The following SH3BP4 variants were observed in gnomAD, a reference collection of about 807,000 sequenced individuals.
The protein encoded by SH3BP4 is SH3 domain-binding protein 4.
A neutral mutation model predicts 65.5 loss-of-function variants in SH3BP4; 33 were observed. The ratio of observed to expected loss-of-function variants is 0.50; its 90% confidence interval spans 0.38 to 0.67. SH3BP4 has a LOEUF of 0.67. Ranked by LOEUF, SH3BP4 falls within the 30% of genes least tolerant of loss-of-function variation. SH3BP4 has a pLI of 0.00. For synonymous variants in SH3BP4, 552 were observed against 545.5 expected, an observed-to-expected ratio of 1.01 and a Z score of -0.17; for missense variants, 1,134 against 1,261.4, an observed-to-expected ratio of 0.90 and a Z score of 1.53.
intron 2 of SH3BP4, among the ~76,000 whole-genome samples, chr2:234,998,170 C>T (rs550118434): frequency 6.4e-4 from 97 of 152,178 alleles, no homozygotes; most frequent in African/African-American, 2.2e-3. Flanking sequence ...GCCTGCAGAC[C>T]GGCTGCATTT....
intron 3 of SH3BP4, among the ~76,000 whole-genome samples, chr2:235,039,398 G>A (rs2106331219): frequency 6.6e-6 from 1 of 152,020 alleles, no homozygotes; most frequent in East Asian, 1.9e-4. Context: ...TACGATGACT[G>A]TGGACTTCAT....
chr2:235,053,316 A>G lies in SH3BP4; in HGVS notation c.2668-276A>G, dbSNP rs200508720. ...TTCCAAACAAATGGCACAGAGAGAAAGTGCCATAAAGATTGTAAGGAAAGA... is the reference window on the plus strand; with the variant it reads ...TTCCAAACAAATGGCACAGAGAGAAGGTGCCATAAAGATTGTAAGGAAAGA... On this transcript the variant is annotated intron_variant, in intron 5 of 5. Transcript: ENST00000392011. Among the ~76,000 whole-genome samples, 6 of 152,226 alleles carry G rather than the reference A, an allele frequency of 3.9e-5. No homozygotes were observed. In the East Asian group the frequency reaches 1.2e-3, roughly 29 times the overall value.
chr2:235,009,694 C>T (rs181378509), intron 2 of SH3BP4, among the ~76,000 whole-genome samples: 15 of 152,080 alleles, frequency 9.9e-5, no homozygotes, highest in African/African-American at 3.6e-4. Flanking sequence ...ATGGATCTCT[C>T]CCCAAATGTC....
chr2:235,042,971 G>A lies in SH3BP4; in HGVS notation c.2202G>A (p.Glu734=). ...GGCCCAGCCTGTGCTCGGGCCCCGA[G>A]CTGAGCACCTCGGTGCTGCTGGAGC... ...RARPSLCSGP[E]LSTSVLLEQI... is the part of the protein sequence containing the mutation. The change falls in exon 4 of 6, where the codon GAG becomes GAA. Residue 734 remains glutamate, a synonymous_variant. Transcript: ENST00000392011. This position sits in a 1 kb window ranked among gnomAD's most constrained non-coding sequence, Gnocchi z 7.3. 1 of 1,612,890 alleles carries A rather than the reference G, an allele frequency of 6.2e-7. No homozygotes were observed. The highest frequency in any genetic ancestry group is 8.5e-7 in the Non-Finnish European group (1 of 1,179,524).
At chr2:234,964,099 A>G (rs1223976338) in intron 1 of SH3BP4, among the ~76,000 whole-genome samples, 1 of 152,208 alleles carries the variant, frequency 6.6e-6, no homozygotes, top group Non-Finnish European at 1.5e-5. Flanking sequence ...TTTGTGAGTC[A>G]TCCACCTATA....
At chr2:235,003,649 T>C (rs1459512241) in intron 2 of SH3BP4, among the ~76,000 whole-genome samples, 1 of 152,152 alleles carries the variant, frequency 6.6e-6, no homozygotes, top group Non-Finnish European at 1.5e-5. Flanking sequence ...AGTTTGCTCA[T>C]CTGTAAAACG....
At chr2:234,971,500 T>C (rs1471836659) in intron 1 of SH3BP4, among the ~76,000 whole-genome samples, 1 of 152,244 alleles carries the variant, frequency 6.6e-6, no homozygotes, top group Non-Finnish European at 1.5e-5. Flanking sequence ...CTTTTGGGTA[T>C]ATTCCCAGAG....
At chr2:234,995,503 A>G (rs1418188282) in intron 2 of SH3BP4, 127 bp downstream of exon 2, 1 of 152,236 alleles carries the variant, frequency 6.6e-6, no homozygotes, top group East Asian at 1.9e-4. Context: ...CAGGAGGGAG[A>G]ATGCTTCTGG....
rs138260268 is a variant in SH3BP4, at chr2:235,035,101, G to A, written c.99G>A (p.Thr33=). The A allele has an allele frequency of 4.7e-4, 757 of 1,613,296 alleles. No individual in the cohort carries two copies. Among genetic ancestry groups the A allele is most frequent in the Non-Finnish European group, 6.0e-4 (703 of 1,179,228 alleles). The change falls in exon 3 of 6, where the codon ACG becomes ACA. Residue 33 remains threonine (T), a synonymous_variant. Coordinates refer to ENST00000392011, the MANE Select transcript of SH3BP4 (RefSeq NM_014521.3). The surrounding 1 kb of genome is among the most constrained non-coding windows in gnomAD (Gnocchi z 5.0). ...ACCTGAGCGAAGGGTTTTCAGAGACGAGCTTTAATGACATCAAAGGTGAGC... is the reference window on the plus strand; with the variant it reads ...ACCTGAGCGAAGGGTTTTCAGAGACAAGCTTTAATGACATCAAAGGTGAGC... ...LIDLSEGFSE[T]SFNDIKVPSP... is the part of the protein sequence containing the mutation.
chr2:235,015,294 G>A (rs1202798969), intron 2 of SH3BP4, among the ~76,000 whole-genome samples: 1 of 152,234 alleles, frequency 6.6e-6, no homozygotes, highest in Non-Finnish European at 1.5e-5. Context: ...CAGACTTTGA[G>A]CTATTATTGA....
Position 235,046,435 on chromosome 2 carries a change from G to A in SH3BP4, c.2478+3188G>A, listed in dbSNP as rs1695862172. 6.6e-6 allele frequency among the ~76,000 whole-genome samples: 1 copy of A among 151,910 alleles called. No individual in the cohort carries two copies. The highest frequency in any genetic ancestry group is 1.5e-5 in the Non-Finnish European group (1 of 68,010). Reference sequence around the variant, plus strand: ...TTTTTTTTTTAAATCAGCCAGGTGTGTTGGTGTGCACCTGTAGTCCCAGCT... The same window carrying A: ...TTTTTTTTTTAAATCAGCCAGGTGTATTGGTGTGCACCTGTAGTCCCAGCT... On this transcript the variant is annotated intron_variant, in intron 4 of 5. Transcript: ENST00000392011. The surrounding 1 kb of genome is among the most constrained non-coding windows in gnomAD (Gnocchi z 4.2).
At position 235,011,796 on chromosome 2, in the gene SH3BP4, G is replaced by A. The variant is rs567876724; in HGVS notation, c.-133+16420G>A. ...GGAAATGAGAAGGATATGAGCATAA[G>A]AAGTCTTGCTTTTGGGAAGCAGCCC... On this transcript the variant is annotated intron_variant, in intron 2 of 5. Transcript: ENST00000392011. Among the ~76,000 whole-genome samples, 5 of 152,358 alleles carry A rather than the reference G, an allele frequency of 3.3e-5. No individual in the cohort carries two copies. The South Asian group carries it at 1.0e-3, about 32-fold the overall frequency.
intron 1 of SH3BP4, among the ~76,000 whole-genome samples, chr2:234,969,648 A>G (rs1692929097): frequency 6.6e-6 from 1 of 152,184 alleles, no homozygotes; most frequent in Non-Finnish European, 1.5e-5. Flanking sequence ...TCCACACAGC[A>G]CACGGAGCCT....
In SH3BP4 at chr2:235,046,231, G is replaced by A. The variant is rs914671414; in HGVS notation, c.2478+2984G>A. On this transcript the variant is annotated intron_variant, in intron 4 of 5. Transcript: ENST00000392011. This position sits in a 1 kb window ranked among gnomAD's most constrained non-coding sequence, Gnocchi z 4.2. ...AGGACGTCCTTCTCTGCAGCCCCGC[G>A]CACTCCATCATCCTCTGTCTCCATG... Among the ~76,000 whole-genome samples, 15 of 152,212 alleles carry A rather than the reference G, an allele frequency of 9.9e-5. No homozygotes were observed. The highest frequency in any genetic ancestry group is 8.3e-4 in the South Asian group (4 of 4,822).
At chr2:235,029,303 G>A (rs1258413196) in intron 2 of SH3BP4, among the ~76,000 whole-genome samples, 1 of 146,904 alleles carries the variant, frequency 6.8e-6, no homozygotes, top group African/African-American at 2.7e-5. Context: ...GTGAGGCCAG[G>A]GGCAGGGGTT....
chr2:235,035,165 G>A lies in SH3BP4; in HGVS notation c.118+45G>A. ...GACTGTGGCTAAGGGAGAACGTTGG[G>A]ATTTTCAAGTTGGGATCCAAGAACT... On this transcript the variant is annotated intron_variant, in intron 3 of 5. Coordinates refer to ENST00000392011, the MANE Select transcript of SH3BP4 (RefSeq NM_014521.3). The surrounding 1 kb of genome is among the most constrained non-coding windows in gnomAD (Gnocchi z 5.0). The A allele has an allele frequency of 1.4e-6, 2 of 1,443,908 alleles. No homozygotes were observed. The highest frequency in any genetic ancestry group is 1.2e-5 in the South Asian group (1 of 86,624). The allele number at this position is 1,443,908 out of a possible 1,614,324, so 89.4% of individuals were successfully genotyped here. A position where few individuals can be genotyped will look rare whatever the true frequency, so the allele number is the denominator to read the frequency against.
chr2:234,986,042 C>T (rs111505624), intron 1 of SH3BP4, among the ~76,000 whole-genome samples: 2 of 148,616 alleles, frequency 1.3e-5, no homozygotes, highest in East Asian at 3.9e-4. Flanking sequence ...GTGTACCAGC[C>T]CTTGATATAC....
chr2:234,961,136 C>T (rs1234180806), intron 1 of SH3BP4, among the ~76,000 whole-genome samples: 4 of 152,206 alleles, frequency 2.6e-5, no homozygotes, highest in African/African-American at 9.7e-5. Context: ...ATCTTTGAGG[C>T]TCAGCCTTCT....
chr2:235,011,943 A>G (rs1694522537), intron 2 of SH3BP4, among the ~76,000 whole-genome samples: 1 of 152,236 alleles, frequency 6.6e-6, no homozygotes, highest in South Asian at 2.1e-4. Context: ...TCTGAGAGAC[A>G]GGCATAGCCC....
Sources: gnomAD v4.1 joint callset for allele counts (sites outside exome capture counted in the v4.1 genomes callset) on GRCh38, gnomAD v4.1.1 for gene constraint, Gnocchi (gnomAD v3.1) non-coding constraint, MANE v1.5 for transcripts, NCBI Gene and HGNC (gene_info 2026-07-23, HGNC 2026-07-21) for gene names.